Variants in PRKG1 observed in about 807,000 individuals in gnomAD.
The protein encoded by PRKG1 is cGMP-dependent protein kinase 1.
PRKG1 carries 35 observed loss-of-function variants against 88.1 expected under a neutral mutation model. That is an observed-to-expected ratio of 0.40 (90% CI 0.30 to 0.53). The LOEUF is 0.53. Among genes scored for constraint, PRKG1 ranks in the 20% least tolerant of loss-of-function variants. The pLI is 0.59. For missense variants in PRKG1, 540 were observed against 839.8 expected (o/e 0.64, Z 4.41); for synonymous variants, 303 against 292.5 (o/e 1.04, Z -0.37).
chr10:51,756,570 C>G (rs1184580306), intron 3 of PRKG1, among the ~76,000 whole-genome samples: 3 of 151,366 alleles, frequency 2.0e-5, no homozygotes, highest in Admixed American at 2.0e-4. Context: ...AATCCCAGCA[C>G]TTTGGGAGGC....
At chr10:51,564,824 G>A (rs915608029) in intron 3 of PRKG1, among the ~76,000 whole-genome samples, 3 of 152,050 alleles carry the variant, frequency 2.0e-5, no homozygotes, top group African/African-American at 7.2e-5. Context: ...TTAAACAGTT[G>A]TAACTTTCTC....
chr10:51,525,829 CTTTTT>C (rs747976301), intron 3 of PRKG1, among the ~76,000 whole-genome samples: 1 of 146,056 alleles, frequency 6.8e-6, no homozygotes, highest in Non-Finnish European at 1.5e-5. Flanking sequence ...ACTCTTAGCA[CTTTTT>C]TTTTTTTTTG....
At chr10:51,527,810 G>T (rs1384390682) in intron 3 of PRKG1, among the ~76,000 whole-genome samples, 1 of 152,088 alleles carries the variant, frequency 6.6e-6, no homozygotes, top group Non-Finnish European at 1.5e-5. Flanking sequence ...TTTGAAAGAG[G>T]TCTTTAAGCT....
At chr10:52,102,403 A>T (rs528171037) in intron 7 of PRKG1, among the ~76,000 whole-genome samples, 8 of 152,204 alleles carry the variant, frequency 5.3e-5, no homozygotes, top group African/African-American at 1.9e-4. Flanking sequence ...TGCAGAGGGA[A>T]CATCATAAGC....
At chr10:51,528,830 A>G (rs1191693708) in intron 3 of PRKG1, among the ~76,000 whole-genome samples, 1 of 152,164 alleles carries the variant, frequency 6.6e-6, no homozygotes, top group Non-Finnish European at 1.5e-5. Flanking sequence ...AGAGCATTCA[A>G]GAGAATAATT....
At chr10:51,436,175 GTT>G (rs60182756) in intron 2 of PRKG1, among the ~76,000 whole-genome samples, 14 of 132,818 alleles carry the variant, frequency 1.1e-4, no homozygotes, top group Admixed American at 1.5e-4. Flanking sequence ...TCTGTAAGTT[GTT>G]TTTTTTTTTT....
At chr10:52,016,129 TC>T (rs1414372209) in intron 5 of PRKG1, among the ~76,000 whole-genome samples, 1 of 152,222 alleles carries the variant, frequency 6.6e-6, no homozygotes, top group African/African-American at 2.4e-5. Flanking sequence ...AGTACCCTAC[TC>T]TGTCAGTACC....
intron 2 of PRKG1, among the ~76,000 whole-genome samples, chr10:51,437,634 C>T (rs929533120): frequency 7.9e-5 from 12 of 151,740 alleles, no homozygotes; most frequent in Admixed American, 2.0e-4. Flanking sequence ...AATTATCTTT[C>T]GGGAAGCCCA....
chr10:52,242,629 C>G (rs10824291), intron 9 of PRKG1, among the ~76,000 whole-genome samples: 77,384 of 151,908 alleles, frequency 0.51, 21,768 homozygotes, highest in East Asian at 0.79. Context: ...AGGCACGGTG[C>G]CTCACACCTG....
At chr10:51,737,837 C>T (rs559081864) in intron 3 of PRKG1, among the ~76,000 whole-genome samples, 11 of 151,438 alleles carry the variant, frequency 7.3e-5, no homozygotes, top group Non-Finnish European at 1.5e-4. Context: ...CATCTCGGCT[C>T]ACTGCAACCT....
At chr10:52,034,691 C>T (rs866633125) in intron 5 of PRKG1, among the ~76,000 whole-genome samples, 8 of 151,452 alleles carry the variant, frequency 5.3e-5, no homozygotes, top group East Asian at 2.0e-4. Flanking sequence ...CAGTGTAAAC[C>T]GGCAGTGTAA....
chr10:51,554,442 G>A (rs201829462), intron 3 of PRKG1, among the ~76,000 whole-genome samples: 46 of 128,924 alleles, frequency 3.6e-4, no homozygotes, highest in Admixed American at 8.9e-4. Flanking sequence ...GTGTGTGTGT[G>A]TATATATATA....
chr10:51,954,888 C>T (rs999198352), intron 5 of PRKG1, among the ~76,000 whole-genome samples: 1 of 152,090 alleles, frequency 6.6e-6, no homozygotes, highest in Non-Finnish European at 1.5e-5. Flanking sequence ...CAACCATGTA[C>T]CTACCTATCA....
chr10:51,300,292 G>A (rs1307347065), intron 2 of PRKG1, among the ~76,000 whole-genome samples: 1 of 152,130 alleles, frequency 6.6e-6, no homozygotes, highest in African/African-American at 2.4e-5. Context: ...TTGGTTTTCT[G>A]TATCATACAC....
chr10:51,500,606 G>A (rs570205844), intron 3 of PRKG1, among the ~76,000 whole-genome samples: 9 of 152,150 alleles, frequency 5.9e-5, no homozygotes, highest in African/African-American at 1.9e-4. Flanking sequence ...ATTATATAGA[G>A]CCTGGTTATC....
At chr10:51,435,655 C>A (rs954738817) in intron 2 of PRKG1, among the ~76,000 whole-genome samples, 3 of 151,936 alleles carry the variant, frequency 2.0e-5, no homozygotes, top group Non-Finnish European at 2.9e-5. Context: ...TTACTCCATT[C>A]ATTTATCCAT....
intron 2 of PRKG1, among the ~76,000 whole-genome samples, chr10:51,341,966 C>A (rs146334798): frequency 4.6e-5 from 7 of 152,158 alleles, no homozygotes; most frequent in Admixed American, 4.6e-4. Flanking sequence ...GGAAACCTCC[C>A]CCATGAGGTT....
At chr10:52,117,410 A>G (rs1847714749) in intron 7 of PRKG1, among the ~76,000 whole-genome samples, 1 of 152,026 alleles carries the variant, frequency 6.6e-6, no homozygotes, top group South Asian at 2.1e-4. Context: ...TACCTGCTAA[A>G]CTGGTATCTC....
intron 3 of PRKG1, among the ~76,000 whole-genome samples, chr10:51,511,576 A>G (rs1490631540): frequency 6.6e-6 from 1 of 152,218 alleles, no homozygotes; most frequent in African/African-American, 2.4e-5. Flanking sequence ...CTCAGTTAAC[A>G]TATGAAATGT....
Sources: allele counts gnomAD v4.1 joint callset (sites outside exome capture counted in the v4.1 genomes callset), GRCh38; gene constraint gnomAD v4.1.1; transcripts MANE v1.5; gene names NCBI Gene and HGNC (gene_info 2026-07-23, HGNC 2026-07-21).